CLIP1: variants seen among roughly 807,000 people sequenced by gnomAD.
CLIP1 encodes CAP-Gly domain-containing linker protein 1.
In CLIP1, 66 loss-of-function variants were observed where a neutral mutation model predicts 161.6. That is an observed-to-expected ratio of 0.41 (90% CI 0.33 to 0.50). The LOEUF (loss-of-function observed/expected upper bound fraction) is 0.50, where lower values mean the gene tolerates loss of function less well. CLIP1 is among the 20% of genes least tolerant of loss of function. The pLI is 0.27. For synonymous variants in CLIP1, 598 were observed against 626.2 expected (o/e 0.96, Z 0.67); for missense variants, 1,376 against 1,702.0 (o/e 0.81, Z 3.37).
intron 6 of CLIP1, chr12:122,354,791 A>G: frequency 1.7e-6 from 1 of 576,596 alleles, no homozygotes; most frequent in Non-Finnish European, 3.1e-6. Flanking sequence ...AAGCTGAAAC[A>G]CATATTAAGA....
In CLIP1 at chr12:122,341,213, T is replaced by A. The variant is rs1204158039; in HGVS notation, c.1991A>T (p.Glu664Val). 6.2e-7 allele frequency: 1 copy of A among 1,614,092 alleles called. No individual in the cohort carries two copies. Among genetic ancestry groups the A allele is most frequent in the Non-Finnish European group, 8.5e-7 (1 of 1,180,046 alleles). ...AEFAELKTQIEKMRLDYQHEI... is the reference protein window; with the variant it reads ...AEFAELKTQIVKMRLDYQHEI... Reference sequence around the variant, plus strand: ...GTGTTGGTAATCTAGTCTCATTTTCTCTATTTGTGTTTTTAGTTCAGCAAA... The same window carrying A: ...GTGTTGGTAATCTAGTCTCATTTTCACTATTTGTGTTTTTAGTTCAGCAAA... The change falls in exon 11 of 26, where the codon GAG (glutamate) becomes GTG (valine). Residue 664 changes from glutamate (E) to valine (V), a missense_variant. Transcript: ENST00000620786.
intron 7 of CLIP1, among the ~76,000 whole-genome samples, chr12:122,353,848 C>T (rs1286020509): frequency 1.3e-5 from 2 of 151,706 alleles, no homozygotes; most frequent in Non-Finnish European, 2.9e-5. Context: ...TCACGTTGGT[C>T]TCGAACTTCT....
At chr12:122,321,376 G>C (rs1593061735) in intron 17 of CLIP1, among the ~76,000 whole-genome samples, 1 of 151,866 alleles carries the variant, frequency 6.6e-6, no homozygotes, top group East Asian at 1.9e-4. Context: ...CTCCTGAGTA[G>C]CTGGGATTAT....
At position 122,340,934 on chromosome 12, in the gene CLIP1, T is replaced by A. The variant is rs758910798; in HGVS notation, c.2270A>T (p.Lys757Met). ...CTGTGATGTAAAATTATCAATAACC[T>A]TGGTTTGTTCATTGCATTTGGCTTG... is the stretch of plus-strand genomic sequence containing the variant. ...VLQAKCNEQT[K>M]VIDNFTSQLK... The change falls in exon 11 of 26, where the codon AAG (lysine) becomes ATG (methionine). Residue 757 changes from lysine to methionine, a missense_variant. Physicochemically the swap from Lys to Met is moderately conservative, Grantham distance 95. This residue lies in a region of CLIP1 where 948 missense variants were observed against 1,134.8 expected (regional missense o/e 0.84). Transcript: ENST00000620786. 1 of 1,614,074 alleles carries A rather than the reference T, an allele frequency of 6.2e-7. No individual in the cohort carries two copies. The highest frequency in any genetic ancestry group is 8.5e-7 in the Non-Finnish European group (1 of 1,180,032).
Position 122,376,519 on chromosome 12 carries a change from T to C in CLIP1, c.657+870A>G, listed in dbSNP as rs549394314. ...TCTCGCTCTGTCTCCTAGGCTGGAG[T>C]GCGGTGGCGCAATCTCGGCTCACTG... On this transcript the variant is annotated intron_variant, in intron 3 of 25. Transcript: ENST00000620786. Among the ~76,000 whole-genome samples, 16 of 152,082 alleles carry C rather than the reference T, an allele frequency of 1.1e-4. No homozygotes were observed. In the East Asian group the frequency reaches 1.9e-3, roughly 18 times the overall value.
upstream of CLIP1, chr12:122,422,727 C>CGGCG (rs1566260285): frequency 1.4e-5 from 2 of 139,236 alleles, no homozygotes; most frequent in Admixed American, 1.4e-4. Flanking sequence ...CCCGCCCGGC[C>CGGCG]GGCCCGGCCG....
rs1555280510 is a variant in CLIP1, at chr12:122,390,176, T to TATATATA, written c.-106-9625_-106-9619dup. On this transcript the variant is annotated intron_variant, in intron 1 of 25. Transcript: ENST00000620786. ...CTAATAAATTACACAGTCTCAGATA[T>TATATATA]ATATATATATATATATATATAATAT... 1.9e-4 allele frequency among the ~76,000 whole-genome samples: 19 copies of TATATATA among 99,922 alleles called. 1 individual carries two copies. The East Asian group carries it at 4.4e-3, about 23-fold the overall frequency. The allele number at this position is 99,922 out of a possible 152,430, so 65.6% of individuals were successfully genotyped here.
In CLIP1 at chr12:122,355,280, C is replaced by T. The variant is rs1177024576; in HGVS notation, c.1038G>A (p.Lys346=). 1 of 1,614,058 alleles carries T rather than the reference C, an allele frequency of 6.2e-7. No homozygotes were observed. The highest frequency in any genetic ancestry group is 1.3e-5 in the African/African-American group (1 of 74,942). ...CCTGGAGGGCAGTGGTACCGGAGAT[C>T]TTCCTGGCGTAACGGGAGGAGGTTT... ...LTETSSRYAR[K]ISGTTALQEA... Residue 346 remains lysine (K), a synonymous_variant, in exon 6 of 26, where the codon AAG becomes AAA. Transcript: ENST00000620786. This position sits in a 1 kb window ranked among gnomAD's most constrained non-coding sequence, Gnocchi z 4.1.
intron 12 of CLIP1, 50 bp downstream of exon 12, chr12:122,336,582 A>G (rs748618832): frequency 1.1e-6 from 1 of 946,832 alleles, no homozygotes; most frequent in South Asian, 1.4e-5. Context: ...ATTTTTTAAA[A>G]CAGGAAATGG....
At chr12:122,305,567 A>C (rs953064714) in intron 20 of CLIP1, among the ~76,000 whole-genome samples, 1 of 152,250 alleles carries the variant, frequency 6.6e-6, no homozygotes, top group Non-Finnish European at 1.5e-5. Flanking sequence ...GTTTTCGGCC[A>C]CCACAACTCT....
At chr12:122,277,835 A>T (rs1360281421) in intron 24 of CLIP1, 6 of 141,458 alleles carry the variant, frequency 4.2e-5, no homozygotes, top group South Asian at 2.1e-4. Flanking sequence ...TATTTATGTT[A>T]AAAAAAAAAA....
intron 23 of CLIP1, 98 bp downstream of exon 23, chr12:122,278,694 G>C: frequency 7.8e-7 from 1 of 1,285,016 alleles, no homozygotes; most frequent in African/African-American, 1.5e-5. Flanking sequence ...TCAGGGTCAG[G>C]GCAGCATGAG....
rs571393342 is a variant in CLIP1 at position 122,293,774 on chromosome 12, G to A, written c.3595-5233C>T. 4.6e-4 allele frequency among the ~76,000 whole-genome samples: 69 copies of A among 150,206 alleles called. 1 individual carries two copies. The South Asian group carries it at 0.013, about 29-fold the overall frequency. On this transcript the variant is annotated intron_variant, in intron 20 of 25. Transcript: ENST00000620786. ...ATTACAGGCGTGAGTTACCGTGCCC[G>A]GCCTGAGAATTTGTTTTTTTTTTTG... is the stretch of plus-strand genomic sequence containing the variant.
intron 1 of CLIP1, among the ~76,000 whole-genome samples, chr12:122,390,178 T>G (rs1955540198): frequency 8.5e-6 from 1 of 117,098 alleles, no homozygotes; most frequent in African/African-American, 4.5e-5. Context: ...CTCAGATATA[T>G]ATATATATAT....
chr12:122,404,049 GC>G (rs1390917782), intron 1 of CLIP1, among the ~76,000 whole-genome samples: 2 of 152,188 alleles, frequency 1.3e-5, no homozygotes, highest in Non-Finnish European at 2.9e-5. Flanking sequence ...CCCGGTAAGC[GC>G]ATGAGTGAGC....
chr12:122,282,848 G>A (rs1045030595), intron 21 of CLIP1, among the ~76,000 whole-genome samples: 1 of 152,118 alleles, frequency 6.6e-6, no homozygotes, highest in African/African-American at 2.4e-5. Context: ...AAGACACACA[G>A]ATATAGCAAA....
rs1212133478 is a variant in CLIP1 at position 122,341,649 on chromosome 12, G to A, written c.1555C>T (p.Leu519=). The part of the protein sequence containing the change: ...KSRIMELEKD[L]ALRVQEVAEL... ...GCTACTTCCTGTACTCTCAATGCTA[G>A]GTCTTTCTCCAGTTCCATTATACGT... The change falls in exon 11 of 26, where the codon CTA becomes TTA. Residue 519 remains leucine (L), a synonymous_variant. Coordinates refer to ENST00000620786, the MANE Select transcript of CLIP1 (RefSeq NM_001247997.2). 6.2e-7 allele frequency: 1 copy of A among 1,610,886 alleles called. No individual in the cohort carries two copies. The highest frequency in any genetic ancestry group is 2.2e-5 in the East Asian group (1 of 44,832).
At chr12:122,406,182 C>T (rs988826445) in intron 1 of CLIP1, among the ~76,000 whole-genome samples, 5 of 152,126 alleles carry the variant, frequency 3.3e-5, no homozygotes, top group Non-Finnish European at 4.4e-5. Flanking sequence ...CAGTGGCTCA[C>T]GCCCATAATC....
chr12:122,389,497 G>C (rs1028470307), intron 1 of CLIP1, among the ~76,000 whole-genome samples: 5 of 151,976 alleles, frequency 3.3e-5, no homozygotes, highest in African/African-American at 1.2e-4. Context: ...GGTGGCTCAC[G>C]CCTGTAATCC....
Sources: allele counts gnomAD v4.1 joint callset (sites outside exome capture counted in the v4.1 genomes callset), GRCh38; gene constraint gnomAD v4.1.1; regional missense constraint gnomAD v4.1.1; non-coding constraint Gnocchi (gnomAD v3.1); transcripts MANE v1.5; gene names NCBI Gene and HGNC (gene_info 2026-07-23, HGNC 2026-07-21).